The following IRS1 variants were observed in gnomAD, a reference collection of about 807,000 sequenced individuals.
IRS1 encodes the protein insulin receptor substrate 1.
Under a neutral mutation model 65.6 loss-of-function variants are expected in IRS1, and 34 were observed. The ratio of observed to expected loss-of-function variants is 0.52; its 90% CI spans 0.39 to 0.69. The LOEUF is 0.69. Ranked by LOEUF, IRS1 falls within the 30% of genes least tolerant of loss-of-function variation. The probability of loss-of-function intolerance (pLI) is 0.00; values close to 1 mark genes in which losing one functional copy is unlikely to be tolerated. For synonymous variants in IRS1, 699 were observed against 683.5 expected, an observed-to-expected ratio of 1.02 and a Z score of -0.35; for missense variants, 1,641 against 1,720.2, an observed-to-expected ratio of 0.95 and a Z score of 0.81.
chr2:226,796,725 A>G lies in IRS1; in HGVS notation c.2014T>C (p.Ser672Pro). The change falls in exon 1 of 2, where the codon TCT becomes CCT. Residue 672 changes from serine to proline, a missense_variant. This residue lies in a region of IRS1 where 1,324 missense variants were observed against 1,361.0 expected (regional missense o/e 0.97). Transcript: ENST00000305123. ...YMMMSPSGGC[S>P]PDIGGGPSSS... is the part of the protein sequence containing the mutation. ...CTGGGGCCACCTCCAATGTCAGGAG[A>G]GCAGCCACCGCTGGGGGACATCATC... 1.2e-6 allele frequency: 2 copies of G among 1,612,876 alleles called. No homozygotes were observed. The highest frequency in any genetic ancestry group is 1.3e-5 in the African/African-American group (1 of 74,964).
In IRS1 at chr2:226,734,205, T is replaced by A. The variant is rs2106155301; in HGVS notation, c.*2067A>T. ...AGTTAGTTTGACTAAGAAAGTCTTT[T>A]TTTACAAGAGTAAAAAACAACTTTC... On this transcript the variant is annotated 3_prime_UTR_variant, in exon 2 of 2. Coordinates refer to ENST00000305123, the MANE Select transcript of IRS1 (RefSeq NM_005544.3). 6.6e-6 allele frequency: 1 copy of A among 152,314 alleles called. No homozygotes were observed. The highest frequency in any genetic ancestry group is 3.4e-3 in the Middle Eastern group (1 of 294). The allele number at this position is 152,314 out of a possible 1,614,324, so 9.4% of individuals were successfully genotyped here. A position where few individuals can be genotyped will look rare whatever the true frequency, so the allele number is the denominator to read the frequency against.
chr2:226,764,518 G>A (rs1215506795), intron 1 of IRS1, among the ~76,000 whole-genome samples: 1 of 152,048 alleles, frequency 6.6e-6, no homozygotes, highest in Non-Finnish European at 1.5e-5. Flanking sequence ...ATTCCAGCCT[G>A]GGCAACATAA....
chr2:226,799,460 T>G lies in IRS1; in HGVS notation c.-722A>C. On this transcript the variant is annotated 5_prime_UTR_variant, in exon 1 of 2. Transcript: ENST00000305123. The surrounding 1 kb of genome is among the most constrained non-coding windows in gnomAD (Gnocchi z 6.1). ...ATCTCGGCGGGTGGAGAAAGTGGCT[T>G]TTCCATGCGAAACGATACCGGGCAG... is the stretch of plus-strand genomic sequence containing the variant. The G allele has an allele frequency of 2.5e-6, 3 of 1,191,686 alleles. No homozygotes were observed. The highest frequency in any genetic ancestry group is 3.2e-6 in the Non-Finnish European group (3 of 936,548). 73.8% of individuals were successfully genotyped at this position (1,191,686 alleles called of 1,614,324 possible).
chr2:226,750,053 C>T (rs1188996653), intron 1 of IRS1, among the ~76,000 whole-genome samples: 1 of 151,920 alleles, frequency 6.6e-6, no homozygotes, highest in East Asian at 1.9e-4. Flanking sequence ...AGTTCAAGAC[C>T]AGCCTGACCA....
chr2:226,786,415 G>A (rs531349493), intron 1 of IRS1, among the ~76,000 whole-genome samples: 1 of 152,168 alleles, frequency 6.6e-6, no homozygotes, highest in South Asian at 2.1e-4. Flanking sequence ...GATACAAGGT[G>A]TATTATCTGC....
intron 1 of IRS1, among the ~76,000 whole-genome samples, chr2:226,793,303 CAAATTCTCATTATTTT>C: frequency 1.3e-5 from 2 of 152,248 alleles, no homozygotes; most frequent in East Asian, 3.9e-4. Flanking sequence ...TGGTTTTCTT[CAAATTCTCATTATTTT>C]ACCAATGAGG....
At chr2:226,779,610 A>G (rs1417033970) in intron 1 of IRS1, among the ~76,000 whole-genome samples, 6 of 152,370 alleles carry the variant, frequency 3.9e-5, no homozygotes, top group African/African-American at 1.4e-4. Flanking sequence ...AATAAAATAG[A>G]ACTAATTTAT....
At chr2:226,762,372 A>AG (rs1553530650) in intron 1 of IRS1, among the ~76,000 whole-genome samples, 59 of 151,834 alleles carry the variant, frequency 3.9e-4, no homozygotes, top group African/African-American at 1.2e-3. Flanking sequence ...AAAAAAAAAA[A>AG]AGAGAGAGAG....
chr2:226,793,834 C>T (rs1196061848), intron 1 of IRS1, among the ~76,000 whole-genome samples: 2 of 152,322 alleles, frequency 1.3e-5, no homozygotes, highest in African/African-American at 4.8e-5. Flanking sequence ...CTTCTACCCA[C>T]AATTATGACC....
intron 1 of IRS1, among the ~76,000 whole-genome samples, chr2:226,747,522 C>T (rs527852212): frequency 2.6e-5 from 4 of 152,142 alleles, no homozygotes; most frequent in South Asian, 2.1e-4. Flanking sequence ...TGGACTTACC[C>T]GCCTCCAGAA....
intron 1 of IRS1, among the ~76,000 whole-genome samples, chr2:226,783,786 C>G (rs1939433919): frequency 6.6e-6 from 1 of 152,100 alleles, no homozygotes. Flanking sequence ...CCCCTTGATG[C>G]TGGGTGTGGC....
chr2:226,797,709 C>A lies in IRS1; in HGVS notation c.1030G>T (p.Gly344Cys). Residue 344 changes from glycine to cysteine, a missense_variant, in exon 1 of 2, where the codon GGC becomes TGC. This residue lies in a region of IRS1 where 1,324 missense variants were observed against 1,361.0 expected (regional missense o/e 0.97). Coordinates refer to ENST00000305123, the MANE Select transcript of IRS1 (RefSeq NM_005544.3). The surrounding 1 kb of genome is among the most constrained non-coding windows in gnomAD (Gnocchi z 8.1). ...GTMSRPASVD[G>C]SPVSPSTNRT... Reference sequence around the variant, plus strand: ...TTGGTGCTGGGACTCACAGGGCTGCCGTCCACCGAGGCTGGGCGGGACATG... The same window carrying A: ...TTGGTGCTGGGACTCACAGGGCTGCAGTCCACCGAGGCTGGGCGGGACATG... The A allele has an allele frequency of 6.3e-7, 1 of 1,597,802 alleles. No individual in the cohort carries two copies. The highest frequency in any genetic ancestry group is 2.2e-5 in the East Asian group (1 of 44,828).
Position 226,797,423 on chromosome 2 carries a change from C to T in IRS1, c.1316G>A (p.Arg439Gln). The T allele has an allele frequency of 3.7e-6, 6 of 1,612,816 alleles. No homozygotes were observed. Among genetic ancestry groups the T allele is most frequent in the Non-Finnish European group, 5.1e-6 (6 of 1,179,584 alleles). The change falls in exon 1 of 2, where the codon CGG (arginine) becomes CAG (glutamine). Residue 439 changes from arginine to glutamine, a missense_variant. Physicochemically the swap from Arg to Gln is conservative, Grantham distance 43 (BLOSUM62 1). This residue lies in a region of IRS1 where 1,324 missense variants were observed against 1,361.0 expected (regional missense o/e 0.97). Coordinates refer to ENST00000305123, the MANE Select transcript of IRS1 (RefSeq NM_005544.3). The surrounding 1 kb of genome is among the most constrained non-coding windows in gnomAD (Gnocchi z 8.1). ...CGGAGTGACACTGCGGAAGGAACTC[C>T]GGAAATCGCAGGGACTGGAGCCATA... is the stretch of plus-strand genomic sequence containing the variant. ...DEYGSSPCDFRSSFRSVTPDS... is the reference protein window; with the variant it reads ...DEYGSSPCDFQSSFRSVTPDS...
At chr2:226,774,185 TA>T (rs1553532137) in intron 1 of IRS1, among the ~76,000 whole-genome samples, 1 of 152,168 alleles carries the variant, frequency 6.6e-6, no homozygotes, top group Non-Finnish European at 1.5e-5. Flanking sequence ...TAAGAAAGAA[TA>T]AAAATGTTGT....
chr2:226,743,210 C>T (rs373851927), intron 1 of IRS1, among the ~76,000 whole-genome samples: 1 of 151,480 alleles, frequency 6.6e-6, no homozygotes, highest in Non-Finnish European at 1.5e-5. Flanking sequence ...TCAGACCACA[C>T]GTACTCTCAG....
intron 1 of IRS1, among the ~76,000 whole-genome samples, chr2:226,769,891 A>G (rs2106171246): frequency 6.6e-6 from 1 of 152,306 alleles, no homozygotes; most frequent in African/African-American, 2.4e-5. Flanking sequence ...TTACTGCCAT[A>G]TAAAGTATGG....
chr2:226,776,842 G>C (rs1939283795), intron 1 of IRS1, among the ~76,000 whole-genome samples: 1 of 152,178 alleles, frequency 6.6e-6, no homozygotes, highest in South Asian at 2.1e-4. Context: ...GGAGGCAGAG[G>C]CTGCAGTGAG....
rs375751700 is a variant in IRS1, at chr2:226,753,044, A to G, written c.*22-16794T>C. Among the ~76,000 whole-genome samples the G allele has an allele frequency of 1.2e-4, 19 of 152,330 alleles. No individual in the cohort carries two copies. In the East Asian group the frequency reaches 2.1e-3, roughly 17 times the overall value. On this transcript the variant is annotated intron_variant, in intron 1 of 1. Transcript: ENST00000305123. ...CTCTATCCAGTAGCAAGAAGCCACCAGAAAACAAAATGGCCCCGAGGGGGT... is the reference window on the plus strand; with the variant it reads ...CTCTATCCAGTAGCAAGAAGCCACCGGAAAACAAAATGGCCCCGAGGGGGT...
chr2:226,755,996 C>T (rs1332925149), intron 1 of IRS1, among the ~76,000 whole-genome samples: 2 of 152,210 alleles, frequency 1.3e-5, no homozygotes, highest in Admixed American at 6.5e-5. Flanking sequence ...GCTTTCAAAA[C>T]ACAATGCCCA....
Sources: allele counts gnomAD v4.1 joint callset (sites outside exome capture counted in the v4.1 genomes callset), GRCh38; gene constraint gnomAD v4.1.1; regional missense constraint gnomAD v4.1.1; non-coding constraint Gnocchi (gnomAD v3.1); transcripts MANE v1.5; gene names NCBI Gene and HGNC (gene_info 2026-07-23, HGNC 2026-07-21).